GALNTL6: variants seen among roughly 807,000 people sequenced by gnomAD.
The protein encoded by GALNTL6 is polypeptide N-acetylgalactosaminyltransferase like 6, also known as polypeptide N-acetylgalactosaminyltransferase-like 6.
In GALNTL6, 46 loss-of-function variants were observed where a neutral mutation model predicts 73.7. The observed-to-expected ratio is 0.62, with a 90% CI of 0.49 to 0.80. GALNTL6 has a LOEUF of 0.80. Among genes scored for constraint, GALNTL6 ranks in the 30% least tolerant of loss-of-function variants. GALNTL6 has a pLI of 0.00. For synonymous variants in GALNTL6, 259 were observed against 263.7 expected (o/e 0.98, Z 0.17); for missense variants, 604 against 755.0 (o/e 0.80, Z 2.34).
intron 5 of GALNTL6, among the ~76,000 whole-genome samples, chr4:172,714,639 ACTTGT>A (rs960531333): frequency 1.3e-5 from 2 of 152,168 alleles, no homozygotes; most frequent in African/African-American, 4.8e-5. Flanking sequence ...CATTGATGCC[ACTTGT>A]CTTTTTAGTA....
At chr4:171,907,216 CA>C (rs1454686354) in intron 2 of GALNTL6, among the ~76,000 whole-genome samples, 3 of 152,104 alleles carry the variant, frequency 2.0e-5, no homozygotes, top group African/African-American at 7.2e-5. Context: ...TCCCAGTTTG[CA>C]GATGACATGA....
chr4:172,791,594 T>C (rs1739996470), intron 5 of GALNTL6, among the ~76,000 whole-genome samples: 1 of 152,130 alleles, frequency 6.6e-6, no homozygotes, highest in South Asian at 2.1e-4. Flanking sequence ...TTGTGAGTTA[T>C]GTCCTCTGAG....
intron 7 of GALNTL6, among the ~76,000 whole-genome samples, chr4:172,837,755 T>G (rs1742990313): frequency 6.6e-6 from 1 of 152,198 alleles, no homozygotes. Context: ...AATCACTGGA[T>G]TAATGATGGC....
At chr4:172,959,784 TG>T (rs1173537498) in intron 10 of GALNTL6, among the ~76,000 whole-genome samples, 1 of 152,162 alleles carries the variant, frequency 6.6e-6, no homozygotes, top group Non-Finnish European at 1.5e-5. Flanking sequence ...GGAGGAATCC[TG>T]GGCTGCGGGC....
intron 2 of GALNTL6, among the ~76,000 whole-genome samples, chr4:172,090,811 G>C (rs920189504): frequency 1.3e-5 from 2 of 151,994 alleles, no homozygotes; most frequent in South Asian, 4.1e-4. Context: ...TTTCTTCTAG[G>C]GTTTTTATGG....
chr4:172,031,008 T>G (rs900285859), intron 2 of GALNTL6, among the ~76,000 whole-genome samples: 2 of 152,058 alleles, frequency 1.3e-5, no homozygotes, highest in Non-Finnish European at 2.9e-5. Flanking sequence ...GCCCTCTTCC[T>G]ACCCCATTCT....
intron 5 of GALNTL6, among the ~76,000 whole-genome samples, chr4:172,739,107 A>C (rs562791062): frequency 6.6e-6 from 1 of 152,314 alleles, no homozygotes; most frequent in East Asian, 1.9e-4. Context: ...TCATGGCTTG[A>C]AACAGTGTTT....
At chr4:172,143,123 A>G (rs1283550448) in intron 2 of GALNTL6, among the ~76,000 whole-genome samples, 2 of 152,056 alleles carry the variant, frequency 1.3e-5, no homozygotes, top group Non-Finnish European at 2.9e-5. Context: ...CCCTGTATTT[A>G]GGGTGCTTTA....
chr4:172,304,001 C>T (rs1740033682), intron 3 of GALNTL6, among the ~76,000 whole-genome samples: 1 of 151,922 alleles, frequency 6.6e-6, no homozygotes, highest in Non-Finnish European at 1.5e-5. Context: ...GATTTCTCAC[C>T]CAAAGACATA....
At chr4:172,286,174 A>G (rs1160853057) in intron 3 of GALNTL6, among the ~76,000 whole-genome samples, 1 of 152,098 alleles carries the variant, frequency 6.6e-6, no homozygotes, top group Non-Finnish European at 1.5e-5. Context: ...TTTTCTTGCT[A>G]GTTTGTCTGA....
chr4:172,168,896 G>A (rs1734722527), intron 2 of GALNTL6, among the ~76,000 whole-genome samples: 1 of 151,962 alleles, frequency 6.6e-6, no homozygotes. Flanking sequence ...TTTGTACTAA[G>A]GATATGATAG....
At chr4:172,870,129 CCTAA>C (rs1441707292) in intron 7 of GALNTL6, among the ~76,000 whole-genome samples, 1 of 151,994 alleles carries the variant, frequency 6.6e-6, no homozygotes, top group African/African-American at 2.4e-5. Flanking sequence ...CCAGTGTACC[CCTAA>C]CTATTTTCCC....
intron 5 of GALNTL6, among the ~76,000 whole-genome samples, chr4:172,730,955 C>T (rs991396266): frequency 1.3e-5 from 2 of 151,934 alleles, no homozygotes; most frequent in South Asian, 2.1e-4. Flanking sequence ...TGGTATGCAC[C>T]TGTACTCCCA....
At chr4:172,754,886 A>G (rs1269768720) in intron 5 of GALNTL6, among the ~76,000 whole-genome samples, 1 of 151,940 alleles carries the variant, frequency 6.6e-6, no homozygotes, top group African/African-American at 2.4e-5. Context: ...AAAGCTCCTT[A>G]ATGAAGGAAA....
intron 2 of GALNTL6, among the ~76,000 whole-genome samples, chr4:172,065,748 A>G (rs1731340989): frequency 6.6e-6 from 1 of 152,160 alleles, no homozygotes; most frequent in Non-Finnish European, 1.5e-5. Flanking sequence ...TAATTGATTC[A>G]CGGTTCCGCA....
At chr4:172,408,327 T>G (rs1744309103) in intron 5 of GALNTL6, among the ~76,000 whole-genome samples, 1 of 152,020 alleles carries the variant, frequency 6.6e-6, no homozygotes, top group Non-Finnish European at 1.5e-5. Flanking sequence ...TACCTATACC[T>G]GTACACATAC....
chr4:172,849,840 G>A (rs1021801417), intron 7 of GALNTL6, among the ~76,000 whole-genome samples: 1 of 152,138 alleles, frequency 6.6e-6, no homozygotes, highest in Non-Finnish European at 1.5e-5. Flanking sequence ...AAGAAAAACA[G>A]GTTAGGTACA....
intron 9 of GALNTL6, among the ~76,000 whole-genome samples, chr4:172,945,670 T>C (rs185569656): frequency 8.6e-4 from 131 of 152,298 alleles, no homozygotes; most frequent in Non-Finnish European, 1.4e-3. Context: ...CCAAAGAAGA[T>C]AACCACCTAC....
chr4:172,206,705 A>G (rs1211971306), intron 2 of GALNTL6, among the ~76,000 whole-genome samples: 1 of 151,938 alleles, frequency 6.6e-6, no homozygotes, highest in African/African-American at 2.4e-5. Context: ...AGAGGAGAGA[A>G]CAGATGCAAA....
Sources: gnomAD v4.1 joint callset for allele counts (sites outside exome capture counted in the v4.1 genomes callset) on GRCh38, gnomAD v4.1.1 for gene constraint, MANE v1.5 for transcripts, NCBI Gene and HGNC (gene_info 2026-07-23, HGNC 2026-07-21) for gene names.